Variants in ZFPM2 observed in about 807,000 individuals in gnomAD.
ZFPM2 encodes zinc finger protein ZFPM2.
ZFPM2 carries 20 observed loss-of-function variants against 98.6 expected under a neutral mutation model. That is an observed-to-expected ratio of 0.20 (90% CI 0.14 to 0.29). The LOEUF is 0.29. Among genes scored for constraint, ZFPM2 ranks in the 10% least tolerant of loss-of-function variants. The pLI is 1.00. For missense variants in ZFPM2, 1,310 were observed against 1,388.6 expected (o/e 0.94, Z 0.90); for synonymous variants, 518 against 502.7 (o/e 1.03, Z -0.41).
At chr8:105,637,129 C>G (rs1816861466) in intron 5 of ZFPM2, among the ~76,000 whole-genome samples, 1 of 152,110 alleles carries the variant, frequency 6.6e-6, no homozygotes, top group African/African-American at 2.4e-5. Context: ...TCTCATTTTA[C>G]ACCTATGACT....
intron 3 of ZFPM2, among the ~76,000 whole-genome samples, chr8:105,501,721 G>A (rs1344479756): frequency 1.3e-5 from 2 of 151,426 alleles, no homozygotes; most frequent in African/African-American, 2.4e-5. Context: ...TCCTGACCTC[G>A]TGATCCACCC....
At chr8:105,489,466 A>ATATATATATATATATATATATTTTTTT (rs1554610604) in intron 3 of ZFPM2, among the ~76,000 whole-genome samples, 2 of 119,806 alleles carry the variant, frequency 1.7e-5, no homozygotes, top group African/African-American at 7.2e-5. Context: ...ATATATATAT[A>ATATATATATATATATATATATTTTTTT]TTTTTTTTTT....
At chr8:105,559,381 G>A (rs2130693565) in intron 3 of ZFPM2, among the ~76,000 whole-genome samples, 1 of 152,224 alleles carries the variant, frequency 6.6e-6, no homozygotes, top group East Asian at 1.9e-4. Flanking sequence ...ATCATTAGCT[G>A]TTGATATACC....
intron 4 of ZFPM2, among the ~76,000 whole-genome samples, chr8:105,595,351 CA>C (rs1247632006): frequency 6.6e-6 from 1 of 151,756 alleles, no homozygotes; most frequent in Non-Finnish European, 1.5e-5. Context: ...GAATTACACC[CA>C]AAAAAACATA....
intron 6 of ZFPM2, among the ~76,000 whole-genome samples, chr8:105,794,608 A>T (rs1035717617): frequency 6.6e-6 from 1 of 152,186 alleles, no homozygotes; most frequent in Non-Finnish European, 1.5e-5. Flanking sequence ...GCTCTCTTCA[A>T]AGCTGTCAGA....
At chr8:105,392,956 G>A (rs536402210) in intron 1 of ZFPM2, among the ~76,000 whole-genome samples, 1 of 152,100 alleles carries the variant, frequency 6.6e-6, no homozygotes, top group African/African-American at 2.4e-5. Context: ...TATGTGTAAG[G>A]CTGCCTTTTC....
intron 5 of ZFPM2, among the ~76,000 whole-genome samples, chr8:105,687,781 A>T (rs150424552): frequency 3.9e-4 from 59 of 152,298 alleles, no homozygotes; most frequent in African/African-American, 1.3e-3. Context: ...CATCATGTTC[A>T]ATTAGAAAAC....
chr8:105,425,274 C>T (rs1811885076), intron 2 of ZFPM2, among the ~76,000 whole-genome samples: 2 of 152,076 alleles, frequency 1.3e-5, no homozygotes, highest in South Asian at 4.1e-4. Context: ...TTGTATACGC[C>T]TGGAGAAGAA....
chr8:105,385,501 G>A (rs1196183216), intron 1 of ZFPM2, among the ~76,000 whole-genome samples: 2 of 152,134 alleles, frequency 1.3e-5, no homozygotes, highest in African/African-American at 4.8e-5. Flanking sequence ...GGCCTGTGTT[G>A]TGTGTGCTCA....
At chr8:105,448,146 A>G (rs1586380355) in intron 3 of ZFPM2, among the ~76,000 whole-genome samples, 1 of 152,002 alleles carries the variant, frequency 6.6e-6, no homozygotes, top group East Asian at 1.9e-4. Context: ...TATAAAAGTC[A>G]TTGTCTCATT....
chr8:105,665,136 G>C (rs551110432), intron 5 of ZFPM2, among the ~76,000 whole-genome samples: 2 of 152,224 alleles, frequency 1.3e-5, no homozygotes, highest in African/African-American at 4.8e-5. Flanking sequence ...CATATGGTGA[G>C]AGAGGAAGCC....
intron 5 of ZFPM2, among the ~76,000 whole-genome samples, chr8:105,676,691 G>A (rs2130913517): frequency 6.6e-6 from 1 of 151,846 alleles, no homozygotes; most frequent in South Asian, 2.1e-4. Flanking sequence ...TATCTGAATG[G>A]ACAAGTACCA....
intron 1 of ZFPM2, among the ~76,000 whole-genome samples, chr8:105,322,116 T>C (rs1177790026): frequency 6.6e-6 from 1 of 152,096 alleles, no homozygotes. Flanking sequence ...GGGAGGTGTT[T>C]GGTGTGGGAG....
At position 105,802,175 on chromosome 8, in the gene ZFPM2, G is replaced by A. The variant is rs770304470; in HGVS notation, c.2093G>A (p.Arg698Gln). The A allele has an allele frequency of 6.2e-6, 10 of 1,613,844 alleles. No homozygotes were observed. Among genetic ancestry groups the A allele is most frequent in the East Asian group, 4.5e-5 (2 of 44,838 alleles). Residue 698 changes from arginine (R) to glutamine (Q), a missense_variant, in exon 8 of 8, where the codon CGG becomes CAG. Physicochemically the swap from Arg to Gln is conservative, Grantham distance 43. Coordinates refer to ENST00000407775, the MANE Select transcript of ZFPM2 (RefSeq NM_012082.4). ...TCEACNITFS[R>Q]HETYMVHKQY... ...GAAGCTTGCAACATTACCTTCAGCC[G>A]GCACGAAACATACATGGTCCACAAA...
intron 4 of ZFPM2, among the ~76,000 whole-genome samples, chr8:105,579,416 G>A (rs1198437571): frequency 2.6e-5 from 4 of 152,214 alleles, no homozygotes; most frequent in Non-Finnish European, 5.9e-5. Flanking sequence ...TTTAGAGACA[G>A]TATCACTGAT....
chr8:105,526,966 T>A (rs1018305793), intron 3 of ZFPM2, among the ~76,000 whole-genome samples: 1 of 152,160 alleles, frequency 6.6e-6, no homozygotes, highest in African/African-American at 2.4e-5. Context: ...AATCTCTCTG[T>A]GCCTCAGTTT....
chr8:105,637,520 T>C (rs1314071276), intron 5 of ZFPM2, among the ~76,000 whole-genome samples: 1 of 152,140 alleles, frequency 6.6e-6, no homozygotes, highest in Non-Finnish European at 1.5e-5. Flanking sequence ...ACATATATTT[T>C]TATTTCTCTA....
chr8:105,624,456 G>C (rs749314859), intron 4 of ZFPM2, among the ~76,000 whole-genome samples: 6 of 152,158 alleles, frequency 3.9e-5, no homozygotes, highest in Non-Finnish European at 7.3e-5. Context: ...TGGGAGTGAA[G>C]TTGGCAAAAG....
intron 4 of ZFPM2, among the ~76,000 whole-genome samples, chr8:105,588,192 G>T (rs1456800105): frequency 1.3e-5 from 2 of 152,054 alleles, no homozygotes; most frequent in Non-Finnish European, 2.9e-5. Context: ...GAATTAAAAT[G>T]CATTAGGTGA....
Sources: allele counts gnomAD v4.1 joint callset (sites outside exome capture counted in the v4.1 genomes callset), GRCh38; gene constraint gnomAD v4.1.1; transcripts MANE v1.5; gene names NCBI Gene and HGNC (gene_info 2026-07-23, HGNC 2026-07-21).